Variants in ARID4B observed in about 807,000 individuals in gnomAD.
ARID4B encodes AT-rich interaction domain 4B.
ARID4B carries 26 observed loss-of-function variants against 147.5 expected under a neutral mutation model. That is an observed-to-expected ratio of 0.18 (90% CI 0.13 to 0.24). The LOEUF is 0.24. ARID4B is among the 10% of genes least tolerant of loss of function. The pLI is 1.00. For missense variants in ARID4B, 1,179 were observed against 1,511.5 expected, an observed-to-expected ratio of 0.78 and a Z score of 3.65; for synonymous variants, 512 against 507.9, an observed-to-expected ratio of 1.01 and a Z score of -0.11.
intron 14 of ARID4B, 40 bp downstream of exon 14, chr1:235,221,524 TA>T: frequency 1.7e-6 from 2 of 1,183,428 alleles, no homozygotes; most frequent in Non-Finnish European, 1.2e-6. Flanking sequence ...GCTTTCTAGG[TA>T]AAAATACTGA....
intron 17 of ARID4B, among the ~76,000 whole-genome samples, chr1:235,203,225 G>A (rs1666071916): frequency 6.6e-6 from 1 of 152,160 alleles, no homozygotes; most frequent in Non-Finnish European, 1.5e-5. Flanking sequence ...TATGGCTTTT[G>A]TACAGATGCA....
chr1:235,309,606 CTG>C (rs1210874413), intron 2 of ARID4B, among the ~76,000 whole-genome samples: 55 of 149,630 alleles, frequency 3.7e-4, no homozygotes, highest in African/African-American at 4.2e-4. Flanking sequence ...AGGGGCGCCT[CTG>C]CCCGGCCACC....
At chr1:235,255,281 C>CTATATA (rs1404201536) in intron 5 of ARID4B, among the ~76,000 whole-genome samples, 1 of 145,088 alleles carries the variant, frequency 6.9e-6, no homozygotes, top group African/African-American at 2.5e-5. Context: ...CTCTCTCTCT[C>CTATATA]TCTCTCTATA....
chr1:235,170,996 A>T (rs1663315759), intron 23 of ARID4B, among the ~76,000 whole-genome samples: 1 of 151,624 alleles, frequency 6.6e-6, no homozygotes, highest in African/African-American at 2.4e-5. Flanking sequence ...AATATATTTT[A>T]AGAGATTGTT....
At chr1:235,213,652 G>T in intron 17 of ARID4B, 117 bp downstream of exon 17, 2 of 1,131,654 alleles carry the variant, frequency 1.8e-6, no homozygotes, top group Non-Finnish European at 2.4e-6. Context: ...TTTTTATAAG[G>T]TACTATGACC....
chr1:235,207,329 G>A (rs976726980), intron 17 of ARID4B, among the ~76,000 whole-genome samples: 1 of 152,170 alleles, frequency 6.6e-6, no homozygotes, highest in African/African-American at 2.4e-5. Context: ...TCACAGTAAT[G>A]AATTTAAAAT....
intron 6 of ARID4B, among the ~76,000 whole-genome samples, chr1:235,251,198 T>G (rs1239787318): frequency 1.3e-5 from 2 of 148,678 alleles, no homozygotes; most frequent in African/African-American, 4.9e-5. Flanking sequence ...CTTAAAATCT[T>G]ACAGCAAAAA....
At chr1:235,220,882 CTTTTTTTGTTTTTTTTTGTT>C (rs567824589) in intron 14 of ARID4B, among the ~76,000 whole-genome samples, 1 of 115,434 alleles carries the variant, frequency 8.7e-6, no homozygotes, top group Admixed American at 9.2e-5. Context: ...CAGCAGCATC[CTTTTTTTGTTTTTTTTTGTT>C]TTTTTTTGTT....
At chr1:235,248,603 C>A (rs6683303) in intron 6 of ARID4B, among the ~76,000 whole-genome samples, 5,228 of 152,220 alleles carry the variant, frequency 0.034, 116 homozygotes, top group Non-Finnish European at 0.047. Context: ...ATTTATATCA[C>A]ACAGTGTGAT....
chr1:235,251,702 A>G (rs1669657181), intron 6 of ARID4B, among the ~76,000 whole-genome samples: 1 of 152,044 alleles, frequency 6.6e-6, no homozygotes, highest in African/African-American at 2.4e-5. Flanking sequence ...TTAATTAGTA[A>G]TATTAAAATA....
At chr1:235,178,219 T>C (rs1016783966) in intron 20 of ARID4B, among the ~76,000 whole-genome samples, 3 of 152,108 alleles carry the variant, frequency 2.0e-5, no homozygotes, top group African/African-American at 7.2e-5. Context: ...AGCCTAGTAA[T>C]TAAAAGTATA....
intron 2 of ARID4B, among the ~76,000 whole-genome samples, chr1:235,263,475 T>C (rs1426471724): frequency 1.3e-5 from 2 of 152,152 alleles, no homozygotes; most frequent in Non-Finnish European, 2.9e-5. Context: ...GCATATTTAT[T>C]AAAGCTGAAT....
chr1:235,292,467 G>C (rs951112880), intron 2 of ARID4B, among the ~76,000 whole-genome samples: 8 of 151,872 alleles, frequency 5.3e-5, no homozygotes, highest in Non-Finnish European at 1.2e-4. Context: ...TACAACAAAA[G>C]TAGCCAGTTG....
chr1:235,209,562 TGTTTTG>T (rs1223406921), intron 17 of ARID4B, among the ~76,000 whole-genome samples: 1 of 139,282 alleles, frequency 7.2e-6, no homozygotes, highest in East Asian at 2.0e-4. Flanking sequence ...TTTTGTTTTT[TGTTTTG>T]TTTTTTTTTT....
intron 5 of ARID4B, 131 bp from the exon 6 acceptor site, chr1:235,252,940 TTA>T (rs1669733971): frequency 1.6e-6 from 1 of 628,476 alleles, no homozygotes; most frequent in Non-Finnish European, 2.7e-6. Flanking sequence ...AATTCACATT[TTA>T]TGTTTTCTAG....
At chr1:235,232,963 T>G (rs1256551609) in intron 9 of ARID4B, among the ~76,000 whole-genome samples, 1 of 151,924 alleles carries the variant, frequency 6.6e-6, no homozygotes, top group Non-Finnish European at 1.5e-5. Flanking sequence ...TCAGCCTCCC[T>G]AGTAGCTGGA....
At chr1:235,199,285 T>C (rs984024096) in intron 17 of ARID4B, among the ~76,000 whole-genome samples, 8 of 152,216 alleles carry the variant, frequency 5.3e-5, no homozygotes, top group African/African-American at 1.9e-4. Context: ...CTTCTGTTAT[T>C]TGGCTTCTTT....
intron 2 of ARID4B, among the ~76,000 whole-genome samples, chr1:235,323,402 C>T (rs1674986741): frequency 6.6e-6 from 1 of 151,926 alleles, no homozygotes; most frequent in African/African-American, 2.4e-5. Flanking sequence ...CCAACCAGCC[C>T]ATTTTAATTG....
In ARID4B at chr1:235,220,292, T is replaced by C; in HGVS notation, c.1407+10A>G. The C allele has an allele frequency of 1.9e-6, 3 of 1,583,698 alleles. No individual in the cohort carries two copies. Among genetic ancestry groups the C allele is most frequent in the Non-Finnish European group, 2.6e-6 (3 of 1,169,142 alleles). On this transcript the variant is annotated intron_variant, in intron 15 of 23. Coordinates refer to ENST00000264183, the MANE Select transcript of ARID4B (RefSeq NM_016374.6). ...AGAAAGCAAAAGACAATTAACAATA[T>C]CTGATTTACCAGAGAGGGCTTAATA...
Sources: allele counts gnomAD v4.1 joint callset (sites outside exome capture counted in the v4.1 genomes callset), GRCh38; gene constraint gnomAD v4.1.1; transcripts MANE v1.5; gene names NCBI Gene and HGNC (gene_info 2026-07-23, HGNC 2026-07-21).